The following PTK2B variants were observed in gnomAD, a reference collection of about 807,000 sequenced individuals.
PTK2B encodes the protein protein-tyrosine kinase 2-beta.
In PTK2B, 71 loss-of-function variants were observed where a neutral mutation model predicts 142.9. The observed-to-expected ratio is 0.50, with a 90% confidence interval of 0.41 to 0.61. The LOEUF (loss-of-function observed/expected upper bound fraction) is 0.61. PTK2B is among the 20% of genes least tolerant of loss of function. The pLI is 0.00. For synonymous variants in PTK2B, 519 were observed against 503.4 expected (o/e 1.03, Z -0.42); for missense variants, 1,105 against 1,320.4 (o/e 0.84, Z 2.53).
chr8:27,362,838 C>T (rs551809624), intron 1 of PTK2B, among the ~76,000 whole-genome samples: 59 of 151,284 alleles, frequency 3.9e-4, no homozygotes, highest in Non-Finnish European at 6.8e-4. Flanking sequence ...ACTGCTCCCA[C>T]ACGAAATCTA....
At chr8:27,374,473 T>C (rs750014332) in intron 1 of PTK2B, among the ~76,000 whole-genome samples, 1 of 152,076 alleles carries the variant, frequency 6.6e-6, no homozygotes, top group Non-Finnish European at 1.5e-5. Flanking sequence ...TAAGAAAAAA[T>C]GTAAGCAGGA....
intron 1 of PTK2B, among the ~76,000 whole-genome samples, chr8:27,329,256 C>G (rs1348345442): frequency 6.6e-6 from 1 of 152,142 alleles, no homozygotes; most frequent in Non-Finnish European, 1.5e-5. Flanking sequence ...TTTCTAGCAT[C>G]ATGCATCCTT....
At position 27,442,972 on chromosome 8, in the gene PTK2B, C is replaced by A; in HGVS notation, c.2137C>A (p.Pro713Thr). ...CTTGGAGCCCACAGCCTTCCAGGAA[C>A]CCCCACCCAAGGTAAGCCAAGCCAT... is the stretch of plus-strand genomic sequence containing the variant. ...KILEPTAFQE[P>T]PPKPSRPKYR... The change falls in exon 22 of 31, where the codon CCC becomes ACC. Residue 713 changes from proline to threonine, a missense_variant. Coordinates refer to ENST00000346049, the MANE Select transcript of PTK2B (RefSeq NM_173176.3). The A allele has an allele frequency of 1.2e-6, 2 of 1,613,540 alleles. No homozygotes were observed. Among genetic ancestry groups the A allele is most frequent in the Non-Finnish European group, 1.7e-6 (2 of 1,179,478 alleles).
At position 27,431,130 on chromosome 8, in the gene PTK2B, G is replaced by A. The variant is rs1039590764; in HGVS notation, c.810+114G>A. ...ATCGCTGCAGATTCTCACTCAGGCAGCAGGACCTCGCTGACCTGCCGTCGG... is the reference window on the plus strand; with the variant it reads ...ATCGCTGCAGATTCTCACTCAGGCAACAGGACCTCGCTGACCTGCCGTCGG... On this transcript the variant is annotated intron_variant, in intron 8 of 30. Transcript: ENST00000346049. 18 of 1,505,788 alleles carry A rather than the reference G, an allele frequency of 1.2e-5. No homozygotes were observed. In the African/African-American group the frequency reaches 2.4e-4, roughly 20 times the overall value. 93.3% of individuals were successfully genotyped at this position (1,505,788 alleles called of 1,614,324 possible). A position where few individuals can be genotyped will look rare whatever the true frequency, so the allele number is the denominator to read the frequency against.
upstream of PTK2B, chr8:27,311,397 G>C (rs35118662): frequency 1.1e-5 from 10 of 940,454 alleles, no homozygotes; most frequent in Middle Eastern, 3.5e-4. Context: ...GGATGGCGAG[G>C]GGGAGGGAGG....
At chr8:27,346,418 C>T (rs940506399) in intron 1 of PTK2B, among the ~76,000 whole-genome samples, 12 of 152,144 alleles carry the variant, frequency 7.9e-5, no homozygotes, top group African/African-American at 2.7e-4. Context: ...TGGGGGCACA[C>T]GCCTGTAGTC....
At chr8:27,383,620 A>C (rs1408836585) in intron 1 of PTK2B, among the ~76,000 whole-genome samples, 1 of 152,090 alleles carries the variant, frequency 6.6e-6, no homozygotes, top group African/African-American at 2.4e-5. Context: ...TTGGTTAAAA[A>C]ATATCCTCTC....
chr8:27,429,044 C>T (rs928638386), intron 5 of PTK2B, among the ~76,000 whole-genome samples: 6 of 152,080 alleles, frequency 3.9e-5, no homozygotes, highest in East Asian at 1.9e-4. Flanking sequence ...CTCAGCCTCC[C>T]GAGTAGTACG....
In PTK2B at chr8:27,438,944, C is replaced by G; in HGVS notation, c.1644-87C>G. On this transcript the variant is annotated intron_variant, in intron 18 of 30. Coordinates refer to ENST00000346049, the MANE Select transcript of PTK2B (RefSeq NM_173176.3). ...AGTCCCTGGCTTAGATTCTTGGTCT[C>G]TTTTTCCATCTGTCTGTCCATCTCT... 2.3e-6 allele frequency: 3 copies of G among 1,278,998 alleles called. No homozygotes were observed. In the South Asian group the frequency reaches 3.7e-5, roughly 16 times the overall value. 79.2% of individuals were successfully genotyped at this position (1,278,998 alleles called of 1,614,324 possible).
chr8:27,426,582 G>T (rs551388003), intron 5 of PTK2B, among the ~76,000 whole-genome samples: 80 of 152,076 alleles, frequency 5.3e-4, no homozygotes, highest in African/African-American at 1.9e-3. Context: ...ATGTTCAGTT[G>T]CTCCAAGACA....
intron 2 of PTK2B, among the ~76,000 whole-genome samples, chr8:27,414,739 C>G (rs759328332): frequency 1.3e-5 from 2 of 152,150 alleles, no homozygotes; most frequent in Non-Finnish European, 2.9e-5. Flanking sequence ...CTCCCCATCT[C>G]CATAAGAGTT....
At chr8:27,435,338 C>A (rs914254020) in intron 13 of PTK2B, among the ~76,000 whole-genome samples, 1 of 152,256 alleles carries the variant, frequency 6.6e-6, no homozygotes, top group African/African-American at 2.4e-5. Flanking sequence ...AAGGCCCCAC[C>A]TCCTAATCCC....
intron 27 of PTK2B, chr8:27,451,832 C>T (rs887357973): frequency 6.9e-6 from 8 of 1,155,328 alleles, no homozygotes; most frequent in Admixed American, 4.2e-5. Flanking sequence ...TGGAAGCTCC[C>T]GTGGGAAAAG....
chr8:27,381,026 G>A (rs1586198287), intron 1 of PTK2B, among the ~76,000 whole-genome samples: 2 of 152,192 alleles, frequency 1.3e-5, no homozygotes, highest in African/African-American at 2.4e-5. Flanking sequence ...GATTGGCTAA[G>A]AGAGTTGATT....
At chr8:27,433,973 G>A (rs903345548) in intron 11 of PTK2B, 120 bp from the exon 12 acceptor site, 12 of 1,320,362 alleles carry the variant, frequency 9.1e-6, no homozygotes, top group Non-Finnish European at 1.2e-5. Context: ...GGCTAGGAGA[G>A]AATGGAATTA....
Position 27,437,441 on chromosome 8 carries a change from G to T in PTK2B, c.1472G>T (p.Gly491Val), listed in dbSNP as rs1239273029. 3.7e-6 allele frequency: 6 copies of T among 1,613,278 alleles called. No homozygotes were observed. The highest frequency in any genetic ancestry group is 8.5e-7 in the Non-Finnish European group (1 of 1,179,668). The stretch of plus-strand genomic sequence containing the variant: ...CACCCGCACATCGTGAAGCTGATCG[G>T]CATCATTGAAGAGGAGCCCACCTGG... ...LDHPHIVKLI[G>V]IIEEEPTWII... The change falls in exon 17 of 31, where the codon GGC (glycine) becomes GTC (valine). Residue 491 changes from glycine (G) to valine (V), a missense_variant. Coordinates refer to ENST00000346049, the MANE Select transcript of PTK2B (RefSeq NM_173176.3).
At chr8:27,366,406 C>T (rs1398630930) in intron 1 of PTK2B, among the ~76,000 whole-genome samples, 1 of 152,228 alleles carries the variant, frequency 6.6e-6, no homozygotes, top group Non-Finnish European at 1.5e-5. Context: ...CAGGCGACAT[C>T]CAGCTTCTAG....
intron 24 of PTK2B, among the ~76,000 whole-genome samples, chr8:27,447,775 C>T (rs1811558565): frequency 6.6e-6 from 1 of 152,204 alleles, no homozygotes; most frequent in Non-Finnish European, 1.5e-5. Flanking sequence ...CAGGAGATCA[C>T]TTGAACCTGG....
intron 26 of PTK2B, 120 bp downstream of exon 26, chr8:27,451,198 T>C: frequency 8.1e-7 from 1 of 1,232,308 alleles, no homozygotes; most frequent in Non-Finnish European, 1.2e-6. Context: ...CCTCAATGGC[T>C]TTCCATGTTG....
Sources: gnomAD v4.1 joint callset for allele counts (sites outside exome capture counted in the v4.1 genomes callset) on GRCh38, gnomAD v4.1.1 for gene constraint, MANE v1.5 for transcripts, NCBI Gene and HGNC (gene_info 2026-07-23, HGNC 2026-07-21) for gene names.